The following DNHD1 variants were observed in gnomAD, a reference collection of about 807,000 sequenced individuals.
DNHD1 encodes the protein dynein heavy chain domain-containing protein 1.
DNHD1 carries 383 observed loss-of-function variants against 458.1 expected under a neutral mutation model. The ratio of observed to expected loss-of-function variants is 0.84; its 90% CI spans 0.77 to 0.91. The LOEUF (loss-of-function observed/expected upper bound fraction) is 0.91, where lower values mean the gene tolerates loss of function less well. Among genes scored for constraint, DNHD1 ranks in the 40% least tolerant of loss-of-function variants. The pLI is 0.00. For missense variants in DNHD1, 5,336 were observed against 5,866.1 expected (o/e 0.91, Z 2.95); for synonymous variants, 2,203 against 2,376.9 (o/e 0.93, Z 2.13).
chr11:6,563,533 A>T lies in DNHD1; in HGVS notation c.9821A>T (p.Lys3274Ile). 2 of 1,551,720 alleles carry T rather than the reference A, an allele frequency of 1.3e-6. No individual in the cohort carries two copies. Among genetic ancestry groups the T allele is most frequent in the Non-Finnish European group, 1.7e-6 (2 of 1,146,996 alleles). Reference protein sequence around the residue: ...FHHETGWASAKQLLCTEDFYQ... With the variant: ...FHHETGWASAIQLLCTEDFYQ... Reference sequence around the variant, plus strand: ...CATGAAACAGGCTGGGCCAGTGCCAAACAGCTGTTATGCACTGAGGATTTT... The same window carrying T: ...CATGAAACAGGCTGGGCCAGTGCCATACAGCTGTTATGCACTGAGGATTTT... The change falls in exon 30 of 43, where the codon AAA (lysine) becomes ATA (isoleucine). Residue 3274 changes from lysine (K) to isoleucine (I), a missense_variant. By Grantham distance (102) the Lys-to-Ile change is moderately radical. Transcript: ENST00000254579.
chr11:6,498,584 T>C lies in DNHD1; in HGVS notation c.369T>C (p.His123=). 6.2e-7 allele frequency: 1 copy of C among 1,614,204 alleles called. No homozygotes were observed. The highest frequency in any genetic ancestry group is 1.3e-5 in the African/African-American group (1 of 75,048). Residue 123 remains histidine (H), a synonymous_variant, in exon 3 of 43, where the codon CAT becomes CAC. Transcript: ENST00000254579. The part of the protein sequence containing the change: ...CWAPWVQTHL[H]LDLLGAIVQA... ...CACCCTGGGTCCAAACCCACCTCCA[T>C]CTGGACCTGCTAGGTGCCATTGTCC...
chr11:6,568,752 A>C lies in DNHD1; in HGVS notation c.12749A>C (p.Gln4250Pro). The C allele has an allele frequency of 6.2e-7, 1 of 1,613,640 alleles. No homozygotes were observed. Among genetic ancestry groups the C allele is most frequent in the South Asian group, 1.1e-5 (1 of 90,988 alleles). The stretch of plus-strand genomic sequence containing the variant: ...TTGATTGACAGTGTGGAGCTAGCCC[A>C]GCAAGTACTCTACATGCAACCCCCC... The part of the protein sequence containing the change: ...HVLIDSVELA[Q>P]QVLYMQPPTQ... The change falls in exon 39 of 43, where the codon CAG becomes CCG. Residue 4250 changes from glutamine (Q) to proline (P), a missense_variant. By Grantham distance (76) the Gln-to-Pro change is moderately conservative. Transcript: ENST00000254579.
chr11:6,533,250 C>T (rs1400954431), intron 13 of DNHD1, 66 bp downstream of exon 13: 6 of 1,480,264 alleles, frequency 4.1e-6, no homozygotes, highest in South Asian at 1.3e-5. Flanking sequence ...GCTCAGCACA[C>T]TCTCTTCAGG....
chr11:6,557,498 G>A lies in DNHD1; in HGVS notation c.8203G>A (p.Gly2735Ser). Residue 2735 changes from glycine (G) to serine (S), a missense_variant, in exon 25 of 43, where the codon GGC becomes AGC. By Grantham distance (56) the Gly-to-Ser change is moderately conservative. Around this residue, in one of 4 missense-constraint regions of DNHD1, gnomAD observed 3,932 missense variants for 4,365.6 expected, o/e 0.90. Transcript: ENST00000254579. ...AACAGAGGAGGAAGAGGAACCTTAT[G>A]GCCTTCAGGTCGCCAGAGTCTCAAA... is the stretch of plus-strand genomic sequence containing the variant. ...SETEEEEEPY[G>S]LQVARVSNSR... 2 of 1,551,724 alleles carry A rather than the reference G, an allele frequency of 1.3e-6. No homozygotes were observed. The highest frequency in any genetic ancestry group is 1.7e-6 in the Non-Finnish European group (2 of 1,147,014).
Position 6,565,886 on chromosome 11 carries a change from T to A in DNHD1, c.10948T>A (p.Ser3650Thr), listed in dbSNP as rs765051668. The change falls in exon 33 of 43, where the codon TCA becomes ACA. Residue 3650 changes from serine (S) to threonine (T), a missense_variant. Physicochemically the swap from Ser to Thr is moderately conservative, Grantham distance 58. Transcript: ENST00000254579. ...KEEEKTESQG[S>T]KPAYETQLPS... ...GGAGGAGAAGACAGAGAGCCAGGGG[T>A]CAAAGCCAGCCTATGAGACTCAGCT... The A allele has an allele frequency of 3.2e-6, 5 of 1,551,148 alleles. No individual in the cohort carries two copies. The South Asian group carries it at 6.0e-5, about 18-fold the overall frequency.
chr11:6,513,157 T>C (rs1284406305), intron 7 of DNHD1, among the ~76,000 whole-genome samples: 1 of 152,170 alleles, frequency 6.6e-6, no homozygotes, highest in Non-Finnish European at 1.5e-5. Flanking sequence ...AGTTCCTCAA[T>C]CCCACCTTTA....
chr11:6,518,275 T>A (rs1292783794), intron 7 of DNHD1, among the ~76,000 whole-genome samples: 2 of 152,204 alleles, frequency 1.3e-5, no homozygotes, highest in Non-Finnish European at 2.9e-5. Flanking sequence ...TTGCCCAGGC[T>A]GGTCTCAAAC....
At chr11:6,533,265 T>C (rs1852866469) in intron 13 of DNHD1, 81 bp downstream of exon 13, 6 of 1,397,138 alleles carry the variant, frequency 4.3e-6, no homozygotes, top group Non-Finnish European at 5.8e-6. Flanking sequence ...TTCAGGTCTC[T>C]GCTGAGCCCC....
Position 6,539,156 on chromosome 11 carries a change from G to A in DNHD1, c.3326-63G>A, listed in dbSNP as rs1055882948. 586 of 1,160,848 alleles carry A rather than the reference G, an allele frequency of 5.0e-4. 5 individuals carry two copies. Among genetic ancestry groups the A allele is most frequent in the Middle Eastern group, 1.9e-4 (1 of 5,244 alleles). The allele number at this position is 1,160,848 out of a possible 1,614,324, so 71.9% of individuals were successfully genotyped here. On this transcript the variant is annotated intron_variant, in intron 16 of 42. Transcript: ENST00000254579. ...TGGGCTGGGCTGGGCTCTGGGATAT[G>A]GGATATGGGTTGGACTCTGCCACAT...
Position 6,533,317 on chromosome 11 carries a change from T to C in DNHD1, c.2505+133T>C, listed in dbSNP as rs1055498425. 4.7e-5 allele frequency: 46 copies of C among 983,354 alleles called. No homozygotes were observed. In the Admixed American group the frequency reaches 1.2e-3, roughly 27 times the overall value. 60.9% of individuals were successfully genotyped at this position (983,354 alleles called of 1,614,324 possible). ...TCTTAAACTGTGCTCGCCTAAGAGA[T>C]CTACCCTTGCTAATTCTTACCCTGT... On this transcript the variant is annotated intron_variant, in intron 13 of 42. Transcript: ENST00000254579.
chr11:6,527,912 T>C (rs1420634142), intron 10 of DNHD1, among the ~76,000 whole-genome samples: 1 of 152,242 alleles, frequency 6.6e-6, no homozygotes, highest in African/African-American at 2.4e-5. Flanking sequence ...GACAGATAAC[T>C]GAGGACTGGC....
At chr11:6,531,027 ACACAGTCACT>A (rs1229282870) in intron 12 of DNHD1, among the ~76,000 whole-genome samples, 1 of 152,186 alleles carries the variant, frequency 6.6e-6, no homozygotes, top group African/African-American at 2.4e-5. Flanking sequence ...GGGCATGATA[ACACAGTCACT>A]CACAGGGTTA....
chr11:6,566,500 C>G, intron 34 of DNHD1, 87 bp from the exon 35 acceptor site: 2 of 1,557,266 alleles, frequency 1.3e-6, no homozygotes, highest in Non-Finnish European at 1.7e-6. Context: ...AGGCACAGGT[C>G]TATAGCAGGG....
At chr11:6,558,730 A>G in intron 26 of DNHD1, 37 bp downstream of exon 26, 1 of 1,542,118 alleles carries the variant, frequency 6.5e-7, no homozygotes, top group Non-Finnish European at 8.7e-7. Flanking sequence ...ACTCATCTCT[A>G]CCAGGCTCTA....
rs1256277779 is a variant in DNHD1, at chr11:6,557,351, C to T, written c.8056C>T (p.Pro2686Ser). Residue 2686 changes from proline to serine, a missense_variant, in exon 25 of 43, where the codon CCC (proline) becomes TCC (serine). By Grantham distance (74) the Pro-to-Ser change is moderately conservative. Transcript: ENST00000254579. ...AAGTGTCTTCTGCTGTGGGCCAGGGCCCCAGCACCTGGGCAAGGACCATCA... is the reference window on the plus strand; with the variant it reads ...AAGTGTCTTCTGCTGTGGGCCAGGGTCCCAGCACCTGGGCAAGGACCATCA... ...AQSVFCCGPG[P>S]QHLGKDHQES... is the part of the protein sequence containing the mutation. The T allele has an allele frequency of 2.6e-6, 4 of 1,551,230 alleles. No individual in the cohort carries two copies. The highest frequency in any genetic ancestry group is 8.7e-7 in the Non-Finnish European group (1 of 1,147,046).
At chr11:6,549,254 C>T (rs937151937) in intron 24 of DNHD1, among the ~76,000 whole-genome samples, 9 of 152,302 alleles carry the variant, frequency 5.9e-5, no homozygotes, top group East Asian at 1.9e-4. Flanking sequence ...CATCTCCCCG[C>T]GGCCAAAATC....
At chr11:6,564,830 C>A in intron 32 of DNHD1, 26 bp downstream of exon 32, 1 of 1,467,006 alleles carries the variant, frequency 6.8e-7, no homozygotes, top group Non-Finnish European at 9.1e-7. Flanking sequence ...AAATGCAATG[C>A]TTCCGGAGTA....
At chr11:6,553,003 A>T (rs2134440255) in intron 24 of DNHD1, among the ~76,000 whole-genome samples, 1 of 152,364 alleles carries the variant, frequency 6.6e-6, no homozygotes, top group South Asian at 2.1e-4. Flanking sequence ...AGTACAACTT[A>T]TATATACTTT....
chr11:6,566,518 C>T, intron 34 of DNHD1, 69 bp from the exon 35 acceptor site: 10 of 1,506,006 alleles, frequency 6.6e-6, no homozygotes, highest in African/African-American at 2.0e-5. Flanking sequence ...GGGAGCCATA[C>T]TCCCTGTCTA....
Sources: allele counts gnomAD v4.1 joint callset (sites outside exome capture counted in the v4.1 genomes callset), GRCh38; gene constraint gnomAD v4.1.1; regional missense constraint gnomAD v4.1.1; transcripts MANE v1.5; gene names NCBI Gene and HGNC (gene_info 2026-07-23, HGNC 2026-07-21).